Variants in TET3 observed in about 807,000 individuals in gnomAD.
TET3 encodes methylcytosine dioxygenase TET3.
A neutral mutation model predicts 141.4 loss-of-function variants in TET3; 19 were observed. The ratio of observed to expected loss-of-function variants is 0.13; its 90% confidence interval spans 0.09 to 0.20. The LOEUF (loss-of-function observed/expected upper bound fraction) is 0.20, where lower values mean the gene tolerates loss of function less well. Among genes scored for constraint, TET3 ranks in the 10% least tolerant of loss-of-function variants. The pLI is 1.00. For synonymous variants in TET3, 1,043 were observed against 980.9 expected (o/e 1.06, Z -1.18); for missense variants, 1,874 against 2,356.9 (o/e 0.80, Z 4.24).
At chr2:74,043,654 T>C (rs1421751701) in intron 3 of TET3, among the ~76,000 whole-genome samples, 1 of 152,124 alleles carries the variant, frequency 6.6e-6, no homozygotes, top group Non-Finnish European at 1.5e-5. Context: ...CAAAGCCTGG[T>C]GACATCAGAG....
chr2:74,089,790 G>A, intron 7 of TET3, 107 bp from the exon 8 acceptor site: 1 of 1,430,924 alleles, frequency 7.0e-7, no homozygotes, highest in Non-Finnish European at 9.5e-7. Context: ...GTCACTGGGA[G>A]GCTGGTGGGT....
chr2:74,095,797 G>A (rs1444559691), intron 10 of TET3, among the ~76,000 whole-genome samples: 1 of 152,214 alleles, frequency 6.6e-6, no homozygotes, highest in Non-Finnish European at 1.5e-5. Context: ...AAACCACAGG[G>A]AGAGGCCATT....
At chr2:74,031,720 C>G (rs954542958) in intron 3 of TET3, among the ~76,000 whole-genome samples, 1 of 152,130 alleles carries the variant, frequency 6.6e-6, no homozygotes, top group Admixed American at 6.5e-5. Context: ...TAATTTTCCT[C>G]TAGATTTTTG....
chr2:74,092,523 A>T (rs1690558153), intron 8 of TET3, among the ~76,000 whole-genome samples: 1 of 152,040 alleles, frequency 6.6e-6, no homozygotes, highest in Admixed American at 6.6e-5. Context: ...GGGAGGAAAG[A>T]TCCACAGTTG....
At chr2:73,998,981 T>G (rs545222873) in intron 2 of TET3, among the ~76,000 whole-genome samples, 38 of 152,222 alleles carry the variant, frequency 2.5e-4, no homozygotes, top group African/African-American at 8.9e-4. Context: ...CAGACAACAG[T>G]ACCAGGGGTC....
At chr2:73,996,107 G>A (rs1684582572) in intron 2 of TET3, among the ~76,000 whole-genome samples, 1 of 152,144 alleles carries the variant, frequency 6.6e-6, no homozygotes, top group African/African-American at 2.4e-5. Flanking sequence ...TATCTCCTGG[G>A]TCCTGCCAGA....
At chr2:74,133,676 A>G in the TET3 span, among the ~76,000 whole-genome samples, 1 of 152,236 alleles carries the variant, frequency 6.6e-6, no homozygotes, top group African/African-American at 2.4e-5. Flanking sequence ...GGGAGAGAGC[A>G]AGGAGAAAGC....
chr2:74,052,900 A>AT (rs766634597), intron 4 of TET3, among the ~76,000 whole-genome samples: 5 of 152,132 alleles, frequency 3.3e-5, no homozygotes, highest in African/African-American at 4.8e-5. Flanking sequence ...AAAACCCTCT[A>AT]TTATTCAAGT....
Position 74,106,495 on chromosome 2 carries a change from C to T in TET3, c.*4319C>T, listed in dbSNP as rs554486852. 6.5e-6 allele frequency: 1 copy of T among 153,896 alleles called. No individual in the cohort carries two copies. The highest frequency in any genetic ancestry group is 2.1e-4 in the South Asian group (1 of 4,820). The allele number at this position is 153,896 out of a possible 1,614,324, so 9.5% of individuals were successfully genotyped here. On this transcript the variant is annotated 3_prime_UTR_variant, in exon 12 of 12. Coordinates refer to ENST00000409262, the MANE Select transcript of TET3 (RefSeq NM_001287491.2). ...CACCAAGGGAGACCAGATGGATCTC[C>T]TTCCTCCCCTGGCACTGGCTGGGAC...
downstream of TET3, among the ~76,000 whole-genome samples, chr2:74,108,896 A>C (rs1253029564): frequency 3.3e-5 from 5 of 152,190 alleles, no homozygotes; most frequent in African/African-American, 1.2e-4. Context: ...TTCATCTCTG[A>C]GGGCATCTGA....
chr2:74,123,893 C>T, the TET3 span, among the ~76,000 whole-genome samples: 14 of 149,506 alleles, frequency 9.4e-5, no homozygotes, highest in Admixed American at 2.0e-4. Flanking sequence ...ATGTGAGGAG[C>T]GCCTCTGCCA....
At chr2:74,048,527 G>T (rs755979576) in intron 4 of TET3, 116 bp downstream of exon 4, 6 of 1,143,888 alleles carry the variant, frequency 5.2e-6, no homozygotes, top group Non-Finnish European at 7.3e-6. Context: ...CTGCCACACT[G>T]GGTTCTGGGA....
At chr2:73,992,669 C>T (rs1483503905) in intron 2 of TET3, among the ~76,000 whole-genome samples, 1 of 152,018 alleles carries the variant, frequency 6.6e-6, no homozygotes, top group Non-Finnish European at 1.5e-5. Context: ...GCCTGGTGAA[C>T]TCATGGTGAA....
chr2:74,080,797 C>G (rs1689773102), intron 6 of TET3, among the ~76,000 whole-genome samples: 1 of 152,154 alleles, frequency 6.6e-6, no homozygotes, highest in East Asian at 1.9e-4. Context: ...TCATTTCCCC[C>G]AGCCTCAGCT....
chr2:74,089,879 C>T lies in TET3; in HGVS notation c.2889-18C>T, dbSNP rs1235411960. On this transcript the variant is annotated intron_variant, in intron 7 of 11. Coordinates refer to ENST00000409262, the MANE Select transcript of TET3 (RefSeq NM_001287491.2). ...GGGATATTGCATCTATATCCCTGAC[C>T]TGTGCTGTGTGTTGCAGCCGGACCT... 1.2e-6 allele frequency: 2 copies of T among 1,613,830 alleles called. No individual in the cohort carries two copies. Among genetic ancestry groups the T allele is most frequent in the Non-Finnish European group, 1.7e-6 (2 of 1,179,756 alleles).
At position 74,093,186 on chromosome 2, in the gene TET3, C is replaced by T. The variant is rs1573905388; in HGVS notation, c.3129+195C>T. ...CAGGCTACCTGCATCCCACACCGTC[C>T]CTCTTCTATCCTGGTCTTCTCCCTT... On this transcript the variant is annotated intron_variant, in intron 9 of 11. Coordinates refer to ENST00000409262, the MANE Select transcript of TET3 (RefSeq NM_001287491.2). This position sits in a 1 kb window ranked among gnomAD's most constrained non-coding sequence, Gnocchi z 4.2. Among the ~76,000 whole-genome samples, 1 of 152,168 alleles carries T rather than the reference C, an allele frequency of 6.6e-6. No homozygotes were observed. Among genetic ancestry groups the T allele is most frequent in the East Asian group, 1.9e-4 (1 of 5,194 alleles).
At chr2:74,065,141 G>T (rs1688811994) in intron 4 of TET3, among the ~76,000 whole-genome samples, 1 of 152,204 alleles carries the variant, frequency 6.6e-6, no homozygotes, top group Admixed American at 6.5e-5. Flanking sequence ...ATTATGTATA[G>T]TATTGCCATG....
At position 74,093,163 on chromosome 2, in the gene TET3, G is replaced by A. The variant is rs775496962; in HGVS notation, c.3129+172G>A. Reference sequence around the variant, plus strand: ...TGATAAAAACCCCTTTTTTACACCAGGCTACCTGCATCCCACACCGTCCCT... The same window carrying A: ...TGATAAAAACCCCTTTTTTACACCAAGCTACCTGCATCCCACACCGTCCCT... On this transcript the variant is annotated intron_variant, in intron 9 of 11. Coordinates refer to ENST00000409262, the MANE Select transcript of TET3 (RefSeq NM_001287491.2). This position sits in a 1 kb window ranked among gnomAD's most constrained non-coding sequence, Gnocchi z 4.2. Among the ~76,000 whole-genome samples, 14 of 152,064 alleles carry A rather than the reference G, an allele frequency of 9.2e-5. No individual in the cohort carries two copies. Among genetic ancestry groups the A allele is most frequent in the Non-Finnish European group, 1.3e-4 (9 of 68,006 alleles).
At chr2:74,127,114 C>T in the TET3 span, among the ~76,000 whole-genome samples, 1 of 152,140 alleles carries the variant, frequency 6.6e-6, no homozygotes, top group East Asian at 1.9e-4. Context: ...AAATGAGCTG[C>T]TTGCCTCTAC....
Sources: allele counts gnomAD v4.1 joint callset (sites outside exome capture counted in the v4.1 genomes callset), GRCh38; gene constraint gnomAD v4.1.1; non-coding constraint Gnocchi (gnomAD v3.1); transcripts MANE v1.5; gene names NCBI Gene and HGNC (gene_info 2026-07-23, HGNC 2026-07-21).